Variants in ABCA9 observed in about 807,000 individuals in gnomAD.
ABCA9 encodes ATP binding cassette subfamily A member 9.
ABCA9 carries 183 observed loss-of-function variants against 205.3 expected under a neutral mutation model. The observed-to-expected ratio is 0.89, with a 90% CI of 0.79 to 1.01. ABCA9 has a LOEUF of 1.01. Among genes scored for constraint, ABCA9 ranks in the 50% least tolerant of loss-of-function variants. ABCA9 has a pLI of 0.00. For synonymous variants in ABCA9, 651 were observed against 683.3 expected, an observed-to-expected ratio of 0.95 and a Z score of 0.74; for missense variants, 1,805 against 1,912.4, an observed-to-expected ratio of 0.94 and a Z score of 1.05.
At chr17:69,072,545 C>A in the ABCA9 span, among the ~76,000 whole-genome samples, 1 of 151,804 alleles carries the variant, frequency 6.6e-6, no homozygotes, top group Non-Finnish European at 1.5e-5. Flanking sequence ...CAAGCAAATG[C>A]TGAGGGATTT....
intron 37 of ABCA9, among the ~76,000 whole-genome samples, chr17:68,978,941 A>G (rs2068961430): frequency 1.3e-5 from 2 of 152,060 alleles, no homozygotes; most frequent in Non-Finnish European, 2.9e-5. Flanking sequence ...GGCCAGGGCA[A>G]TCAGGCAGGA....
In ABCA9 at chr17:69,017,749, C is replaced by A; in HGVS notation, c.2808G>T (p.Gln936His). ...AGGCATCCACTTCTATAGCTATGTT[C>A]TGTCGCCTCAGTGAATGTAAAAAGT... ...IDNFLHSLRR[Q>H]NIAIEVDAFG... Residue 936 changes from glutamine to histidine, a missense_variant, in exon 21 of 39, where the codon CAG (glutamine) becomes CAT (histidine). Transcript: ENST00000340001. 1 of 1,613,394 alleles carries A rather than the reference C, an allele frequency of 6.2e-7. No individual in the cohort carries two copies. Among genetic ancestry groups the A allele is most frequent in the Non-Finnish European group, 8.5e-7 (1 of 1,179,476 alleles).
At chr17:68,997,707 A>C (rs8068236) in intron 25 of ABCA9, among the ~76,000 whole-genome samples, 103,801 of 151,104 alleles carry the variant, frequency 0.69, 36,053 homozygotes, top group Middle Eastern at 0.75. Context: ...TCATATACCC[A>C]CTGCCCTCAT....
rs751292337 is a variant in ABCA9 at position 69,035,728 on chromosome 17, C to G, written c.874G>C (p.Ala292Pro). Residue 292 changes from alanine (A) to proline (P), a missense_variant, in exon 7 of 39, where the codon GCA (alanine) becomes CCA (proline). Coordinates refer to ENST00000340001, the MANE Select transcript of ABCA9 (RefSeq NM_080283.4). Reference protein sequence around the residue: ...ATLMALIVKSAQIVVLTGFVM... With the variant: ...ATLMALIVKSPQIVVLTGFVM... ...AAACCAGTCAGGACGACAATTTGTGCAGATTTTACAATAAGAGCCATTAAA... is the reference window on the plus strand; with the variant it reads ...AAACCAGTCAGGACGACAATTTGTGGAGATTTTACAATAAGAGCCATTAAA... 6.2e-7 allele frequency: 1 copy of G among 1,613,548 alleles called. No individual in the cohort carries two copies. The highest frequency in any genetic ancestry group is 2.2e-5 in the East Asian group (1 of 44,790).
chr17:68,989,174 C>CA, intron 30 of ABCA9, 56 bp from the exon 31 acceptor site: 1 of 1,136,110 alleles, frequency 8.8e-7, no homozygotes, highest in Non-Finnish European at 1.3e-6. Context: ...AAAATAAAAG[C>CA]AAATACCATT....
At chr17:69,040,256 C>T (rs147236554) in intron 6 of ABCA9, among the ~76,000 whole-genome samples, 6,112 of 152,196 alleles carry the variant, frequency 0.04, 251 homozygotes, top group African/African-American at 0.098. Context: ...CACATGCACA[C>T]GTATATTTAT....
intron 7 of ABCA9, 81 bp downstream of exon 7, chr17:69,035,579 G>A (rs1183826428): frequency 6.5e-7 from 1 of 1,542,306 alleles, no homozygotes; most frequent in Non-Finnish European, 8.8e-7. Flanking sequence ...CAAAAGAGGT[G>A]AGACCAGAAT....
At chr17:68,982,016 G>A (rs1324456475) in intron 37 of ABCA9, among the ~76,000 whole-genome samples, 1 of 152,002 alleles carries the variant, frequency 6.6e-6, no homozygotes, top group Non-Finnish European at 1.5e-5. Context: ...AGTATGCAAA[G>A]ACCAAAATCC....
At chr17:68,998,424 T>C (rs2069710653) in intron 25 of ABCA9, among the ~76,000 whole-genome samples, 1 of 152,224 alleles carries the variant, frequency 6.6e-6, no homozygotes, top group Non-Finnish European at 1.5e-5. Context: ...ACACATGGAA[T>C]TGTAGGAGAT....
intron 6 of ABCA9, among the ~76,000 whole-genome samples, chr17:69,038,151 G>A (rs1189972919): frequency 2.6e-5 from 4 of 152,072 alleles, no homozygotes; most frequent in Admixed American, 6.6e-5. Context: ...AAGGGGAGCT[G>A]GTACCATTCA....
chr17:68,989,999 T>C, intron 29 of ABCA9, 69 bp from the exon 30 acceptor site: 2 of 1,074,482 alleles, frequency 1.9e-6, no homozygotes, highest in Non-Finnish European at 2.8e-6. Context: ...TCCACACTCT[T>C]GTCACCAAAC....
chr17:69,001,964 T>G (rs2069891022), intron 25 of ABCA9, among the ~76,000 whole-genome samples: 1 of 151,176 alleles, frequency 6.6e-6, no homozygotes, highest in African/African-American at 2.4e-5. Context: ...GGTGGTGATA[T>G]CCCCTTTATC....
chr17:69,045,283 T>C lies in ABCA9; in HGVS notation c.358A>G (p.Asn120Asp), dbSNP rs1363511637. ...ACTCTCACTGCGTCTATTGAATAGT[T>C]CAAATCCAATTCATCCATGCTTTTT... ...DEKSMDELDL[N>D]YSIDAVRVIF... The change falls in exon 4 of 39, where the codon AAC (asparagine) becomes GAC (aspartate). Residue 120 changes from asparagine (N) to aspartate (D), a missense_variant. Transcript: ENST00000340001. 6.2e-7 allele frequency: 1 copy of C among 1,612,958 alleles called. No homozygotes were observed. The highest frequency in any genetic ancestry group is 2.2e-5 in the East Asian group (1 of 44,812).
intron 1 of ABCA9, among the ~76,000 whole-genome samples, chr17:69,055,726 C>T (rs944139159): frequency 7.9e-5 from 12 of 152,244 alleles, no homozygotes; most frequent in Admixed American, 7.8e-4. Flanking sequence ...CCTTCTCATG[C>T]TCACATGGAA....
chr17:68,989,005 T>C (rs1262738454), intron 31 of ABCA9, 22 bp downstream of exon 31: 1 of 1,487,164 alleles, frequency 6.7e-7, no homozygotes, highest in African/African-American at 1.4e-5. Flanking sequence ...CTAATGACCA[T>C]ATTCCTGTAC....
chr17:69,059,400 AG>A (rs1475685421), intron 1 of ABCA9, among the ~76,000 whole-genome samples: 3 of 152,116 alleles, frequency 2.0e-5, no homozygotes, highest in Admixed American at 2.0e-4. Context: ...ACAGGGAGGC[AG>A]ACAAGATCAG....
At chr17:68,984,296 A>T in intron 34 of ABCA9, 121 bp from the exon 35 acceptor site, 1 of 1,400,534 alleles carries the variant, frequency 7.1e-7, no homozygotes, top group Non-Finnish European at 9.7e-7. Context: ...TAGACAAAAA[A>T]GGGGTGTGTG....
At chr17:69,021,403 A>G (rs1048726348) in intron 18 of ABCA9, among the ~76,000 whole-genome samples, 1 of 152,132 alleles carries the variant, frequency 6.6e-6, no homozygotes, top group African/African-American at 2.4e-5. Context: ...CATTGGAATA[A>G]TATCACTGAA....
chr17:68,984,018 A>C, intron 35 of ABCA9, 38 bp downstream of exon 35: 1 of 1,613,144 alleles, frequency 6.2e-7, no homozygotes, highest in Non-Finnish European at 8.5e-7. Context: ...CACAGCACAC[A>C]ACCTAGGGGC....
Sources: allele counts gnomAD v4.1 joint callset (sites outside exome capture counted in the v4.1 genomes callset), GRCh38; gene constraint gnomAD v4.1.1; transcripts MANE v1.5; gene names NCBI Gene and HGNC (gene_info 2026-07-23, HGNC 2026-07-21).